The following TOX variants were observed in gnomAD, a reference collection of about 807,000 sequenced individuals.
TOX encodes thymocyte selection-associated high mobility group box protein TOX.
A neutral mutation model predicts 53.7 loss-of-function variants in TOX; 11 were observed. The observed-to-expected ratio is 0.20, with a 90% CI of 0.13 to 0.34. The LOEUF is 0.34. Ranked by LOEUF, TOX falls within the 10% of genes least tolerant of loss-of-function variation. The probability of loss-of-function intolerance (pLI) is 1.00; values close to 1 mark genes in which losing one functional copy is unlikely to be tolerated. For synonymous variants in TOX, 225 were observed against 245.3 expected (o/e 0.92, Z 0.77); for missense variants, 570 against 664.6 (o/e 0.86, Z 1.56).
intron 3 of TOX, among the ~76,000 whole-genome samples, chr8:58,921,512 A>G (rs995811505): frequency 1.3e-5 from 2 of 152,232 alleles, no homozygotes; most frequent in Non-Finnish European, 2.9e-5. Flanking sequence ...AAGTTAAGTG[A>G]CTTACCAGGA....
chr8:58,932,101 A>T (rs75880637), intron 3 of TOX, among the ~76,000 whole-genome samples: 1 of 152,142 alleles, frequency 6.6e-6, no homozygotes, highest in Non-Finnish European at 1.5e-5. Flanking sequence ...TTAACTATAA[A>T]CAACACCTAT....
At chr8:59,003,498 G>A (rs979663075) in intron 1 of TOX, among the ~76,000 whole-genome samples, 4 of 152,132 alleles carry the variant, frequency 2.6e-5, no homozygotes, top group Admixed American at 6.5e-5. Flanking sequence ...CAGGATTCAC[G>A]AGGATTGTGG....
At chr8:58,869,884 A>G (rs1284018376) in intron 3 of TOX, among the ~76,000 whole-genome samples, 5 of 151,070 alleles carry the variant, frequency 3.3e-5, no homozygotes, top group Admixed American at 3.3e-4. Context: ...CCATGCATGA[A>G]AAAAAAAACC....
chr8:58,886,048 C>T (rs1811462007), intron 3 of TOX, among the ~76,000 whole-genome samples: 2 of 152,104 alleles, frequency 1.3e-5, no homozygotes, highest in Non-Finnish European at 2.9e-5. Flanking sequence ...CAATTTATCC[C>T]TAATGACTGT....
At chr8:58,816,224 T>C (rs1378651003) in intron 6 of TOX, among the ~76,000 whole-genome samples, 2 of 152,218 alleles carry the variant, frequency 1.3e-5, no homozygotes, top group African/African-American at 4.8e-5. Flanking sequence ...GAAATGGATA[T>C]GGGAGAACAG....
At chr8:58,935,318 T>A (rs899740004) in intron 3 of TOX, among the ~76,000 whole-genome samples, 2 of 152,174 alleles carry the variant, frequency 1.3e-5, no homozygotes. Context: ...ACTTCCTTGA[T>A]CCATTCGAAT....
At chr8:59,056,431 GA>G (rs397697554) in intron 1 of TOX, among the ~76,000 whole-genome samples, 120 of 56,280 alleles carry the variant, frequency 2.1e-3, no homozygotes, top group African/African-American at 8.9e-3. Flanking sequence ...GGCCCTCTCC[GA>G]AAAAAAAAAA....
chr8:58,872,126 TAC>T (rs1811209087), intron 3 of TOX, among the ~76,000 whole-genome samples: 1 of 151,930 alleles, frequency 6.6e-6, no homozygotes, highest in Admixed American at 6.6e-5. Context: ...TACACACACA[TAC>T]AGAGTGGTGA....
chr8:58,901,369 A>G lies in TOX; in HGVS notation c.411+37933T>C, dbSNP rs368310774. On this transcript the variant is annotated intron_variant, in intron 3 of 8. Transcript: ENST00000361421. The stretch of plus-strand genomic sequence containing the variant: ...TTTGGTGCTGTTACAAGCTCCTTCC[A>G]GTTGCTAGGCAACCATAATTCATAG... 1.4e-4 allele frequency among the ~76,000 whole-genome samples: 21 copies of G among 152,314 alleles called. No individual in the cohort carries two copies. In the South Asian group the frequency reaches 3.5e-3, roughly 26 times the overall value.
intron 6 of TOX, among the ~76,000 whole-genome samples, chr8:58,820,085 A>T (rs1262905267): frequency 6.6e-6 from 1 of 152,174 alleles, no homozygotes; most frequent in Non-Finnish European, 1.5e-5. Flanking sequence ...CCATTTGCAA[A>T]TTCAGACTCA....
chr8:58,921,632 G>GA (rs1484065196), intron 3 of TOX, among the ~76,000 whole-genome samples: 3 of 151,916 alleles, frequency 2.0e-5, no homozygotes, highest in African/African-American at 7.2e-5. Flanking sequence ...AAATAAGAAA[G>GA]AAAAAGAAAA....
chr8:58,819,153 G>A (rs531886738), intron 6 of TOX, among the ~76,000 whole-genome samples: 1 of 152,088 alleles, frequency 6.6e-6, no homozygotes, highest in Non-Finnish European at 1.5e-5. Context: ...TACTCTTACT[G>A]TCATTTTTTC....
chr8:58,961,111 A>C (rs912220246), intron 1 of TOX, among the ~76,000 whole-genome samples: 4 of 152,212 alleles, frequency 2.6e-5, no homozygotes, highest in Non-Finnish European at 5.9e-5. Context: ...AAGAACATAA[A>C]AAATATTGTA....
intron 1 of TOX, among the ~76,000 whole-genome samples, chr8:59,074,024 T>C (rs571298939): frequency 6.6e-6 from 1 of 152,336 alleles, no homozygotes; most frequent in Admixed American, 6.5e-5. Context: ...AATTTCAATC[T>C]TCCACTTCAA....
chr8:58,905,791 A>G (rs530065026), intron 3 of TOX, among the ~76,000 whole-genome samples: 1 of 152,270 alleles, frequency 6.6e-6, no homozygotes, highest in East Asian at 1.9e-4. Flanking sequence ...ATTATGTTTC[A>G]TTATCCAATC....
intron 1 of TOX, among the ~76,000 whole-genome samples, chr8:59,085,034 C>A (rs1804481407): frequency 6.6e-6 from 1 of 152,124 alleles, no homozygotes; most frequent in Non-Finnish European, 1.5e-5. Flanking sequence ...ATAAACCAAA[C>A]AAAGAAATAT....
At chr8:59,116,042 T>C (rs892353654) in intron 1 of TOX, among the ~76,000 whole-genome samples, 1 of 152,114 alleles carries the variant, frequency 6.6e-6, no homozygotes, top group African/African-American at 2.4e-5. Context: ...AGGAAGAGAA[T>C]ATTCATTTTC....
intron 3 of TOX, among the ~76,000 whole-genome samples, chr8:58,912,394 G>C (rs1159588358): frequency 6.6e-6 from 1 of 152,154 alleles, no homozygotes; most frequent in African/African-American, 2.4e-5. Flanking sequence ...ATGATTCTTT[G>C]TCTGGGTTTA....
At chr8:58,930,683 C>T (rs1345974305) in intron 3 of TOX, among the ~76,000 whole-genome samples, 1 of 152,180 alleles carries the variant, frequency 6.6e-6, no homozygotes, top group African/African-American at 2.4e-5. Context: ...AACCATACCC[C>T]TACACATGCC....
Sources: gnomAD v4.1 joint callset for allele counts (sites outside exome capture counted in the v4.1 genomes callset) on GRCh38, gnomAD v4.1.1 for gene constraint, MANE v1.5 for transcripts, NCBI Gene and HGNC (gene_info 2026-07-23, HGNC 2026-07-21) for gene names.